ELP1: variants seen among roughly 807,000 people sequenced by gnomAD.
ELP1 encodes the protein elongator acetyltransferase complex subunit 1, also known as elongator complex protein 1.
ELP1 carries 131 observed loss-of-function variants against 183.2 expected under a neutral mutation model. That is an observed-to-expected ratio of 0.72 (90% CI 0.62 to 0.83). The LOEUF is 0.83. Ranked by LOEUF, ELP1 falls within the 40% of genes least tolerant of loss-of-function variation. The pLI, the probability that ELP1 is intolerant of heterozygous loss-of-function variation, is 0.00. For synonymous variants in ELP1, 555 were observed against 569.0 expected (o/e 0.98, Z 0.35); for missense variants, 1,550 against 1,594.9 (o/e 0.97, Z 0.48).
chr9:108,912,122 T>A (rs1829247078), intron 11 of ELP1, 142 bp downstream of exon 11: 2 of 724,920 alleles, frequency 2.8e-6, no homozygotes, highest in Non-Finnish European at 5.0e-6. Context: ...CCCCACCTTA[T>A]ATCCCATTCA....
chr9:108,878,735 A>G lies in ELP1; in HGVS notation c.3588T>C (p.Asn1196=). The change falls in exon 34 of 37, where the codon AAT becomes AAC. Residue 1196 remains asparagine, a synonymous_variant. Coordinates refer to ENST00000374647, the MANE Select transcript of ELP1 (RefSeq NM_003640.5). ...NSRISARSSK[N]RRKAERKKHS... is the part of the protein sequence containing the mutation. ...GCTTCTTCCGCTCCGCTTTTCGGCGATTCTTGGATGATCTCCTGTTAGAAA... is the reference window on the plus strand; with the variant it reads ...GCTTCTTCCGCTCCGCTTTTCGGCGGTTCTTGGATGATCTCCTGTTAGAAA... 1 of 1,614,142 alleles carries G rather than the reference A, an allele frequency of 6.2e-7. No individual in the cohort carries two copies. The highest frequency in any genetic ancestry group is 2.2e-5 in the East Asian group (1 of 44,878).
At chr9:108,911,966 G>C (rs948964855) in intron 11 of ELP1, among the ~76,000 whole-genome samples, 37 of 152,082 alleles carry the variant, frequency 2.4e-4, no homozygotes, top group African/African-American at 8.5e-4. Context: ...AATCCCACAA[G>C]ACTGTACTGT....
chr9:108,927,019 G>C (rs906010186), intron 4 of ELP1, among the ~76,000 whole-genome samples: 3 of 152,156 alleles, frequency 2.0e-5, no homozygotes, highest in African/African-American at 4.8e-5. Flanking sequence ...GCAACTCTTA[G>C]AATAAGTTAA....
Position 108,901,460 on chromosome 9 carries a change from C to A in ELP1, c.1979G>T (p.Cys660Phe). 1 of 1,613,878 alleles carries A rather than the reference C, an allele frequency of 6.2e-7. No individual in the cohort carries two copies. The highest frequency in any genetic ancestry group is 8.5e-7 in the Non-Finnish European group (1 of 1,179,784). ...FLLLTTHSHT[C>F]QCFCLRDASF... ...AGCATCCCTCAGGCAAAAACACTGG[C>A]AGGTATGGGAATGGGTTGTCAACAA... Residue 660 changes from cysteine to phenylalanine, a missense_variant, in exon 18 of 37, where the codon TGC (cysteine) becomes TTC (phenylalanine). Transcript: ENST00000374647.
At chr9:108,905,743 C>T (rs1828992892) in intron 14 of ELP1, among the ~76,000 whole-genome samples, 1 of 152,068 alleles carries the variant, frequency 6.6e-6, no homozygotes, top group South Asian at 2.1e-4. Flanking sequence ...ACACCCCTAG[C>T]CTATGGGGTA....
At chr9:108,900,540 C>T (rs1304670095) in intron 18 of ELP1, among the ~76,000 whole-genome samples, 165 bp from the exon 19 acceptor site, 1 of 152,236 alleles carries the variant, frequency 6.6e-6, no homozygotes, top group Admixed American at 6.5e-5. Context: ...CTGATGAACA[C>T]GCTCATCCCT....
At chr9:108,887,992 T>A (rs1433873094) in intron 29 of ELP1, among the ~76,000 whole-genome samples, 1 of 152,222 alleles carries the variant, frequency 6.6e-6, no homozygotes, top group East Asian at 1.9e-4. Flanking sequence ...GCTGCGTTAT[T>A]CATAATAACC....
chr9:108,902,965 TCA>T, intron 15 of ELP1, 23 bp from the exon 16 acceptor site: 1 of 1,573,982 alleles, frequency 6.4e-7, no homozygotes. Flanking sequence ...CAGATCTAGT[TCA>T]CAAATAGCTG....
chr9:108,912,443 G>A lies in ELP1; in HGVS notation c.1010C>T (p.Ser337Phe). Residue 337 changes from serine to phenylalanine, a missense_variant, in exon 11 of 37, where the codon TCC becomes TTC. Coordinates refer to ENST00000374647, the MANE Select transcript of ELP1 (RefSeq NM_003640.5). ...NYHWYLKQSLSFSTCGKSKIV... is the reference protein window; with the variant it reads ...NYHWYLKQSLFFSTCGKSKIV... Reference sequence around the variant, plus strand: ...CTTGCTCTTCCCACAGGTGCTGAAGGATAAACTTTGCTTGAGATACCAGTG... The same window carrying A: ...CTTGCTCTTCCCACAGGTGCTGAAGAATAAACTTTGCTTGAGATACCAGTG... The A allele has an allele frequency of 1.2e-6, 2 of 1,614,090 alleles. No homozygotes were observed. The highest frequency in any genetic ancestry group is 1.7e-6 in the Non-Finnish European group (2 of 1,180,026).
chr9:108,927,309 A>G, intron 4 of ELP1, 63 bp downstream of exon 4: 1 of 1,340,178 alleles, frequency 7.5e-7, no homozygotes, highest in Admixed American at 1.7e-5. Flanking sequence ...AAGCTGATGA[A>G]GCCTGTAAGA....
At chr9:108,872,827 A>AAAAAAAAAAC (rs1827535327) in intron 36 of ELP1, among the ~76,000 whole-genome samples, 1 of 107,970 alleles carries the variant, frequency 9.3e-6, no homozygotes, top group Non-Finnish European at 2.2e-5. Flanking sequence ...AAAAAAAAAA[A>AAAAAAAAAAC]AAAAAAAAAA....
In ELP1 at chr9:108,917,624, G is replaced by T; in HGVS notation, c.787C>A (p.Gln263Lys). The T allele has an allele frequency of 3.1e-6, 5 of 1,613,856 alleles. No homozygotes were observed. The highest frequency in any genetic ancestry group is 4.2e-6 in the Non-Finnish European group (5 of 1,179,750). Residue 263 changes from glutamine (Q) to lysine (K), a missense_variant, in exon 9 of 37, where the codon CAG (glutamine) becomes AAG (lysine). Physicochemically the swap from Gln to Lys is moderately conservative, Grantham distance 53. Coordinates refer to ENST00000374647, the MANE Select transcript of ELP1 (RefSeq NM_003640.5). ...TTTTTCTCAAAAAACACAATATCCTGCTGGTTGGGTTTATCTTGTGTAGAT... is the reference window on the plus strand; with the variant it reads ...TTTTTCTCAAAAAACACAATATCCTTCTGGTTGGGTTTATCTTGTGTAGAT... ...IASTQDKPNQQDIVFFEKNGL... is the reference protein window; with the variant it reads ...IASTQDKPNQKDIVFFEKNGL...
At chr9:108,878,499 A>C in intron 34 of ELP1, 124 bp downstream of exon 34, 1 of 1,309,936 alleles carries the variant, frequency 7.6e-7, no homozygotes, top group African/African-American at 1.4e-5. Flanking sequence ...CTTCCTGCTA[A>C]AAGTTCTCAT....
At chr9:108,880,948 T>A (rs1827905648) in intron 31 of ELP1, among the ~76,000 whole-genome samples, 1 of 152,124 alleles carries the variant, frequency 6.6e-6, no homozygotes, top group Non-Finnish European at 1.5e-5. Context: ...ACTTACAGGG[T>A]AGATGTGCAT....
chr9:108,874,498 G>C (rs1441408574), intron 36 of ELP1, among the ~76,000 whole-genome samples: 1 of 152,108 alleles, frequency 6.6e-6, no homozygotes, highest in Non-Finnish European at 1.5e-5. Flanking sequence ...TCATAAGCAA[G>C]GTTTATGAAA....
At chr9:108,872,566 A>G (rs1030720392) in intron 36 of ELP1, among the ~76,000 whole-genome samples, 5 of 152,034 alleles carry the variant, frequency 3.3e-5, no homozygotes, top group African/African-American at 1.2e-4. Flanking sequence ...GCACTTTGGG[A>G]GGCCGAGGCG....
chr9:108,881,832 G>A (rs541696268), intron 30 of ELP1, 67 bp from the exon 31 acceptor site: 1 of 959,840 alleles, frequency 1.0e-6, no homozygotes, highest in African/African-American at 1.6e-5. Flanking sequence ...AAGATACTTA[G>A]AAAGACATGG....
Position 108,927,736 on chromosome 9 carries a change from A to C in ELP1, c.304-283T>G, listed in dbSNP as rs117670318. Reference sequence around the variant, plus strand: ...AGAATAAGATCCTGTCATCTGCAACAACATAGATGGAACTGGAGATGATTA... The same window carrying C: ...AGAATAAGATCCTGTCATCTGCAACCACATAGATGGAACTGGAGATGATTA... On this transcript the variant is annotated intron_variant, in intron 3 of 36. Coordinates refer to ENST00000374647, the MANE Select transcript of ELP1 (RefSeq NM_003640.5). Among the ~76,000 whole-genome samples the C allele has an allele frequency of 4.9e-3, 749 of 152,360 alleles. 12 individuals carry two copies. Among genetic ancestry groups the C allele is most frequent in the Admixed American group, 6.0e-3 (92 of 15,302 alleles).
chr9:108,932,836 C>T (rs1480247724), intron 1 of ELP1, among the ~76,000 whole-genome samples: 1 of 152,132 alleles, frequency 6.6e-6, no homozygotes. Flanking sequence ...TCTGCAACCT[C>T]CAACCTTCCT....
Sources: gnomAD v4.1 joint callset for allele counts (sites outside exome capture counted in the v4.1 genomes callset) on GRCh38, gnomAD v4.1.1 for gene constraint, MANE v1.5 for transcripts, NCBI Gene and HGNC (gene_info 2026-07-23, HGNC 2026-07-21) for gene names.